Variants in GATAD2A observed in about 807,000 individuals in gnomAD.
GATAD2A encodes transcriptional repressor p66-alpha.
In GATAD2A, 12 loss-of-function variants were observed where a neutral mutation model predicts 68.5. The ratio of observed to expected loss-of-function variants is 0.18; its 90% CI spans 0.11 to 0.28. The LOEUF is 0.28. GATAD2A is among the 10% of genes least tolerant of loss of function. The pLI is 1.00. For missense variants in GATAD2A, 755 were observed against 868.5 expected (o/e 0.87, Z 1.64); for synonymous variants, 410 against 375.3 (o/e 1.09, Z -1.07).
At chr19:19,473,927 C>G (rs2058495189) in intron 2 of GATAD2A, 1 of 453,862 alleles carries the variant, frequency 2.2e-6, no homozygotes, top group Non-Finnish European at 2.9e-6. Context: ...GCCTGGGCGA[C>G]AGAGCGAGAC....
intron 2 of GATAD2A, among the ~76,000 whole-genome samples, chr19:19,487,664 G>T (rs979764434): frequency 6.6e-6 from 1 of 152,194 alleles, no homozygotes; most frequent in South Asian, 2.1e-4. Flanking sequence ...GGCCGGGCAG[G>T]CTTCCTGAGG....
At chr19:19,425,769 T>C (rs2053000754) in intron 1 of GATAD2A, among the ~76,000 whole-genome samples, 1 of 151,702 alleles carries the variant, frequency 6.6e-6, no homozygotes, top group Admixed American at 6.6e-5. Context: ...ACAGGGGACA[T>C]AGTGGTTTTC....
intron 1 of GATAD2A, among the ~76,000 whole-genome samples, chr19:19,454,183 G>A (rs573259115): frequency 7.4e-6 from 1 of 135,312 alleles, no homozygotes. Context: ...TTTTAGTAGA[G>A]ACAGGGTTTC....
chr19:19,421,776 G>A (rs1374069823), intron 1 of GATAD2A, among the ~76,000 whole-genome samples: 1 of 152,108 alleles, frequency 6.6e-6, no homozygotes, highest in Non-Finnish European at 1.5e-5. Flanking sequence ...CTAGCCTAAG[G>A]CTGTGTAGTC....
intron 1 of GATAD2A, among the ~76,000 whole-genome samples, chr19:19,422,690 A>G (rs1278259129): frequency 6.7e-6 from 1 of 149,126 alleles, no homozygotes; most frequent in African/African-American, 2.5e-5. Context: ...ACAGCCTTGC[A>G]TTTCTCTATT....
In GATAD2A at chr19:19,505,471, A is replaced by G; in HGVS notation, c.1902A>G (p.Lys634=). ...PRSIPQSATW[K] ...CCATCCCCCAGTCAGCCACGTGGAA[A>G]TAGTGCGAGCCAGGCCCCGTGGAAG... Residue 634 remains lysine, a synonymous_variant, in exon 12 of 12, where the codon AAA becomes AAG. Coordinates refer to ENST00000683918, the MANE Select transcript of GATAD2A (RefSeq NM_001384528.1). The G allele has an allele frequency of 6.2e-7, 1 of 1,600,242 alleles. No individual in the cohort carries two copies. The highest frequency in any genetic ancestry group is 8.5e-7 in the Non-Finnish European group (1 of 1,173,432).
intron 2 of GATAD2A, among the ~76,000 whole-genome samples, chr19:19,489,349 T>C (rs2059634848): frequency 6.6e-6 from 1 of 152,250 alleles, no homozygotes; most frequent in Non-Finnish European, 1.5e-5. Flanking sequence ...GAAGGCTGCG[T>C]GTCACAAACC....
chr19:19,397,964 CG>C (rs1686689709), intron 1 of GATAD2A, among the ~76,000 whole-genome samples: 1 of 149,988 alleles, frequency 6.7e-6, no homozygotes, highest in East Asian at 2.0e-4. Context: ...AGTGCAGTGG[CG>C]TGATCTCGGC....
chr19:19,459,980 C>CA (rs1209156116), intron 1 of GATAD2A, among the ~76,000 whole-genome samples: 2 of 152,240 alleles, frequency 1.3e-5, no homozygotes, highest in East Asian at 3.9e-4. Context: ...CACTGTTACT[C>CA]AGAGATGTGC....
In GATAD2A at chr19:19,455,451, C is replaced by T. The variant is rs550509958; in HGVS notation, c.-6-9889C>T. ...GTTGCAGTGAGCTGAGATTGTGCCG[C>T]GCCACTCCACTCCAGCCTGGGTGAC... On this transcript the variant is annotated intron_variant, in intron 1 of 11. Coordinates refer to ENST00000683918, the MANE Select transcript of GATAD2A (RefSeq NM_001384528.1). Among the ~76,000 whole-genome samples the T allele has an allele frequency of 4.6e-5, 7 of 151,858 alleles. No individual in the cohort carries two copies. The Middle Eastern group carries it at 0.01, about 221-fold the overall frequency.
chr19:19,496,194 C>G lies in GATAD2A; in HGVS notation c.899C>G (p.Thr300Ser). 1 of 1,613,802 alleles carries G rather than the reference C, an allele frequency of 6.2e-7. No homozygotes were observed. ...ATCCGCGTCGCCAATGTTCCCAACA[C>G]CAGCCTGCTCGTCAACATCCCACAG... is the stretch of plus-strand genomic sequence containing the variant. Reference protein sequence around the residue: ...GLIRVANVPNTSLLVNIPQPT... With the variant: ...GLIRVANVPNSSLLVNIPQPT... The change falls in exon 7 of 12, where the codon ACC becomes AGC. Residue 300 changes from threonine to serine, a missense_variant. By Grantham distance (58) the Thr-to-Ser change is moderately conservative. Transcript: ENST00000683918.
chr19:19,402,758 T>TG (rs553260240), upstream of GATAD2A, among the ~76,000 whole-genome samples: 673 of 147,518 alleles, frequency 4.6e-3, 5 homozygotes, highest in South Asian at 0.043. Context: ...GTTTTTTTTT[T>TG]TTGTTTTTGT....
chr19:19,451,712 G>T (rs566710404), intron 1 of GATAD2A, among the ~76,000 whole-genome samples: 1 of 152,168 alleles, frequency 6.6e-6, no homozygotes, highest in Non-Finnish European at 1.5e-5. Context: ...TGGTGATTCC[G>T]GCCCTTGTGT....
rs117283263 is a variant in GATAD2A, at chr19:19,473,034, C to T, written c.269+7420C>T. Among the ~76,000 whole-genome samples the T allele has an allele frequency of 5.3e-3, 803 of 152,344 alleles. 6 individuals carry two copies. Among genetic ancestry groups the T allele is most frequent in the South Asian group, 0.041 (198 of 4,828 alleles). ...GTGGCTCACCGTCTCCATTTCCTTA[C>T]TTCACCTGGGAGGAGACTGGGCTGT... On this transcript the variant is annotated intron_variant, in intron 2 of 11. Coordinates refer to ENST00000683918, the MANE Select transcript of GATAD2A (RefSeq NM_001384528.1).
rs371070783 is a variant in GATAD2A at position 19,492,716 on chromosome 19, C to T, written c.534+4C>T. On this transcript the variant is annotated splice_donor_region_variant and intron_variant, in intron 4 of 11. Transcript: ENST00000683918. ...AAAGGAAGCCACCGCCCAGAAGGTG[C>T]GTGCCTGTCTCCCCTCCTTCCTGGG... The T allele has an allele frequency of 3.7e-6, 6 of 1,613,954 alleles. No homozygotes were observed. The highest frequency in any genetic ancestry group is 2.2e-5 in the East Asian group (1 of 44,884).
intron 2 of GATAD2A, among the ~76,000 whole-genome samples, chr19:19,489,417 G>A (rs1217364819): frequency 2.0e-5 from 3 of 152,246 alleles, no homozygotes; most frequent in Non-Finnish European, 4.4e-5. Context: ...AAAGGGTCAT[G>A]TGACCAAGGA....
chr19:19,402,192 G>A (rs2146971913), upstream of GATAD2A: 1 of 152,062 alleles, frequency 6.6e-6, no homozygotes, highest in African/African-American at 2.4e-5. Flanking sequence ...CTGAGTAGCT[G>A]GGGCTACAGG....
intron 1 of GATAD2A, chr19:19,440,096 G>A: frequency 2.5e-6 from 1 of 394,162 alleles, no homozygotes. Flanking sequence ...CTGAGTGAAG[G>A]GAGGAAGGAG....
intron 1 of GATAD2A, among the ~76,000 whole-genome samples, chr19:19,387,634 G>T (rs1486425224): frequency 1.3e-5 from 2 of 152,192 alleles, no homozygotes; most frequent in East Asian, 3.9e-4. Context: ...TTTTTGATGA[G>T]TGCCTTCACT....
Sources: allele counts gnomAD v4.1 joint callset (sites outside exome capture counted in the v4.1 genomes callset), GRCh38; gene constraint gnomAD v4.1.1; transcripts MANE v1.5; gene names NCBI Gene and HGNC (gene_info 2026-07-23, HGNC 2026-07-21).